The following DPP6 variants were observed in gnomAD, a reference collection of about 807,000 sequenced individuals.
DPP6 encodes A-type potassium channel modulatory protein DPP6.
DPP6 carries 69 observed loss-of-function variants against 122.6 expected under a neutral mutation model. The ratio of observed to expected loss-of-function variants is 0.56; its 90% confidence interval spans 0.46 to 0.69. The LOEUF is 0.69. Ranked by LOEUF, DPP6 falls within the 30% of genes least tolerant of loss-of-function variation. The pLI, the probability that DPP6 is intolerant of heterozygous loss-of-function variation, is 0.00. For missense variants in DPP6, 928 were observed against 1,116.9 expected (o/e 0.83, Z 2.41); for synonymous variants, 418 against 433.1 (o/e 0.97, Z 0.43).
At chr7:153,808,234 TGTGCGTGTGTGCACGTGC>T in the DPP6 span, among the ~76,000 whole-genome samples, 32 of 151,130 alleles carry the variant, frequency 2.1e-4, no homozygotes, top group Non-Finnish European at 2.1e-4. Context: ...CGTGCCTGAG[TGTGCGTGTGTGCACGTGC>T]GTGCGTGTGT....
chr7:154,080,287 AG>A (rs1308117271), intron 1 of DPP6, among the ~76,000 whole-genome samples: 1 of 152,156 alleles, frequency 6.6e-6, no homozygotes, highest in African/African-American at 2.4e-5. Context: ...TCCTGCTCCC[AG>A]GTTCCTACTT....
chr7:154,881,856 G>T (rs372690169), intron 21 of DPP6, among the ~76,000 whole-genome samples: 30 of 152,232 alleles, frequency 2.0e-4, no homozygotes, highest in African/African-American at 6.3e-4. Flanking sequence ...TTCAGAGCCC[G>T]GGCACAGAGC....
intron 1 of DPP6, among the ~76,000 whole-genome samples, chr7:153,911,646 G>A (rs1800097832): frequency 6.6e-6 from 1 of 152,226 alleles, no homozygotes. Flanking sequence ...TAATCACTGT[G>A]TCAGTGTGGC....
rs574105120 is a variant in DPP6 at position 154,157,753 on chromosome 7, G to A, written c.243+104690G>A. Among the ~76,000 whole-genome samples the A allele has an allele frequency of 1.8e-4, 27 of 152,022 alleles. 1 individual carries two copies. The South Asian group carries it at 4.6e-3, about 26-fold the overall frequency. On this transcript the variant is annotated intron_variant, in intron 1 of 25. Coordinates refer to ENST00000377770, the MANE Select transcript of DPP6 (RefSeq NM_130797.4). ...GTTCGAGACCAGCCTGACCAACATG[G>A]AGAAACTCCGTCTCTACTAAAAATG... is the stretch of plus-strand genomic sequence containing the variant.
chr7:154,426,907 A>G (rs1308978496), intron 1 of DPP6, among the ~76,000 whole-genome samples: 1 of 151,932 alleles, frequency 6.6e-6, no homozygotes, highest in Non-Finnish European at 1.5e-5. Context: ...TTCCTACCCT[A>G]GGAGTCAAAA....
chr7:154,548,717 C>T (rs1208802804), intron 4 of DPP6, among the ~76,000 whole-genome samples: 2 of 151,988 alleles, frequency 1.3e-5, no homozygotes, highest in Non-Finnish European at 2.9e-5. Flanking sequence ...TGGGTGGATA[C>T]AGTGATTAAT....
the DPP6 span, among the ~76,000 whole-genome samples, chr7:153,796,444 T>C: frequency 0.41 from 57,988 of 140,992 alleles, 12,724 homozygotes; most frequent in South Asian, 0.51. Context: ...TGACCCATAT[T>C]AATGTGATGT....
intron 3 of DPP6, among the ~76,000 whole-genome samples, chr7:154,499,690 G>A (rs148985352): frequency 4.0e-4 from 61 of 152,112 alleles, no homozygotes; most frequent in African/African-American, 1.3e-3. Flanking sequence ...CTCACCCTTA[G>A]CTTGAAGAAG....
chr7:154,721,049 A>C (rs1841778273), intron 7 of DPP6, among the ~76,000 whole-genome samples: 1 of 152,158 alleles, frequency 6.6e-6, no homozygotes, highest in Non-Finnish European at 1.5e-5. Flanking sequence ...GGGTCTCATG[A>C]GTGTGAGCTT....
At chr7:154,358,801 G>A (rs1447721236) in intron 1 of DPP6, among the ~76,000 whole-genome samples, 1 of 152,142 alleles carries the variant, frequency 6.6e-6, no homozygotes, top group Non-Finnish European at 1.5e-5. Flanking sequence ...TGCCTCCCAG[G>A]TTCAAGCAAT....
intron 1 of DPP6, among the ~76,000 whole-genome samples, chr7:154,154,413 C>T (rs1288661287): frequency 6.6e-6 from 1 of 152,224 alleles, no homozygotes; most frequent in African/African-American, 2.4e-5. Flanking sequence ...TGCCTGGGAT[C>T]TTGATGAAAC....
At chr7:154,559,002 G>A (rs1830232490) in intron 4 of DPP6, among the ~76,000 whole-genome samples, 1 of 151,988 alleles carries the variant, frequency 6.6e-6, no homozygotes, top group South Asian at 2.1e-4. Flanking sequence ...AATAAAACAT[G>A]ATATATGCAA....
Position 154,760,839 on chromosome 7 carries a change from T to TTG in DPP6, c.884-8576_884-8575dup. On this transcript the variant is annotated intron_variant, in intron 8 of 25. Transcript: ENST00000377770. This position sits in a 1 kb window ranked among gnomAD's most constrained non-coding sequence, Gnocchi z 4.5. ...GCTCAGCCTTCCTCTTTCAAAACTT[T>TTG]TGTTTTTTTTTTTTTGAGACAGTCT... is the stretch of plus-strand genomic sequence containing the variant. Among the ~76,000 whole-genome samples the TTG allele has an allele frequency of 1.4e-5, 1 of 72,128 alleles. No homozygotes were observed. Among genetic ancestry groups the TTG allele is most frequent in the Non-Finnish European group, 3.2e-5 (1 of 30,886 alleles). 47.3% of individuals were successfully genotyped at this position (72,128 alleles called of 152,430 possible). A position where few individuals can be genotyped will look rare whatever the true frequency, so the allele number is the denominator to read the frequency against.
At chr7:153,813,232 C>T in the DPP6 span, among the ~76,000 whole-genome samples, 6 of 145,962 alleles carry the variant, frequency 4.1e-5, no homozygotes, top group African/African-American at 1.0e-4. Flanking sequence ...TGTGTCCATG[C>T]GTTCTCATTG....
intron 1 of DPP6, among the ~76,000 whole-genome samples, chr7:154,040,796 G>A (rs1270085932): frequency 2.0e-5 from 3 of 151,924 alleles, no homozygotes; most frequent in Admixed American, 6.6e-5. Flanking sequence ...GATTACTAGT[G>A]TTCTGAATGC....
At chr7:154,491,073 C>T (rs1824238127) in intron 3 of DPP6, among the ~76,000 whole-genome samples, 1 of 152,202 alleles carries the variant, frequency 6.6e-6, no homozygotes, top group African/African-American at 2.4e-5. Context: ...CAGAGGGGTG[C>T]ATGGCAACAA....
At chr7:154,463,850 C>G (rs1821551549) in intron 2 of DPP6, among the ~76,000 whole-genome samples, 1 of 152,120 alleles carries the variant, frequency 6.6e-6, no homozygotes, top group Non-Finnish European at 1.5e-5. Flanking sequence ...TTCCTCTTTT[C>G]TCTTCCCTCT....
chr7:153,913,763 T>C (rs1276741513), intron 1 of DPP6, among the ~76,000 whole-genome samples: 5 of 152,282 alleles, frequency 3.3e-5, no homozygotes, highest in South Asian at 2.1e-4. Flanking sequence ...TGTGACTAGA[T>C]ATGCTCCAAA....
intron 1 of DPP6, among the ~76,000 whole-genome samples, chr7:154,331,045 G>A (rs1459541139): frequency 1.3e-5 from 2 of 152,162 alleles, no homozygotes; most frequent in African/African-American, 4.8e-5. Flanking sequence ...CAGTTACCAC[G>A]ATTGCTGGTG....
Sources: allele counts gnomAD v4.1 joint callset (sites outside exome capture counted in the v4.1 genomes callset), GRCh38; gene constraint gnomAD v4.1.1; non-coding constraint Gnocchi (gnomAD v3.1); transcripts MANE v1.5; gene names NCBI Gene and HGNC (gene_info 2026-07-23, HGNC 2026-07-21).